Variants in PSMA1 observed in about 807,000 individuals in gnomAD.
PSMA1 encodes proteasome 20S subunit alpha 1.
A neutral mutation model predicts 38.4 loss-of-function variants in PSMA1; 3 were observed. The ratio of observed to expected loss-of-function variants is 0.08; its 90% CI spans 0.04 to 0.20. PSMA1 has a LOEUF of 0.20. PSMA1 is among the 10% of genes least tolerant of loss of function. The probability of loss-of-function intolerance (pLI) is 1.00; values close to 1 mark genes in which losing one functional copy is unlikely to be tolerated. For missense variants in PSMA1, 227 were observed against 325.3 expected (o/e 0.70, Z 2.32); for synonymous variants, 101 against 107.1 (o/e 0.94, Z 0.35).
chr11:14,520,543 C>T, upstream of PSMA1: 2 of 1,363,100 alleles, frequency 1.5e-6, no homozygotes, highest in South Asian at 3.1e-5. Flanking sequence ...GCGGGAAAAC[C>T]TGGCTGGGAG....
chr11:14,628,134 T>C (rs1258563432), intron 1 of PSMA1, among the ~76,000 whole-genome samples: 2 of 152,216 alleles, frequency 1.3e-5, no homozygotes, highest in Non-Finnish European at 2.9e-5. Flanking sequence ...GCATGCTCCA[T>C]CTAATGCCTG....
chr11:14,631,670 T>G (rs965166344), intron 1 of PSMA1, among the ~76,000 whole-genome samples: 1 of 152,218 alleles, frequency 6.6e-6, no homozygotes, highest in Non-Finnish European at 1.5e-5. Flanking sequence ...CTTCTGTAGA[T>G]GTCTATTAGG....
At chr11:14,627,805 T>C (rs1002905147) in intron 1 of PSMA1, among the ~76,000 whole-genome samples, 2 of 152,194 alleles carry the variant, frequency 1.3e-5, no homozygotes, top group South Asian at 4.1e-4. Context: ...TTTTTATGCC[T>C]TTTTTCTTCC....
At chr11:14,573,932 T>A (rs557348520) in intron 2 of PSMA1, among the ~76,000 whole-genome samples, 2 of 152,254 alleles carry the variant, frequency 1.3e-5, no homozygotes, top group South Asian at 4.2e-4. Context: ...AGATATATGA[T>A]TTAGAGTATC....
intron 2 of PSMA1, among the ~76,000 whole-genome samples, chr11:14,604,073 C>T (rs1265501921): frequency 9.2e-5 from 14 of 152,156 alleles, no homozygotes; most frequent in Admixed American, 9.2e-4. Flanking sequence ...TACTAAATGT[C>T]CTTTCCAGTA....
At chr11:14,585,197 T>C (rs1401420266) in intron 2 of PSMA1, among the ~76,000 whole-genome samples, 1 of 152,218 alleles carries the variant, frequency 6.6e-6, no homozygotes, top group Non-Finnish European at 1.5e-5. Context: ...CCTAGCTTTC[T>C]CTTGTTCCTT....
chr11:14,536,262 C>T (rs1346901639), intron 2 of PSMA1, among the ~76,000 whole-genome samples: 2 of 152,208 alleles, frequency 1.3e-5, no homozygotes, highest in Non-Finnish European at 2.9e-5. Flanking sequence ...CGAGGTGGCT[C>T]ACGCCTGTAA....
intron 1 of PSMA1, among the ~76,000 whole-genome samples, chr11:14,634,355 A>G (rs193195515): frequency 2.0e-5 from 3 of 152,320 alleles, no homozygotes; most frequent in Non-Finnish European, 4.4e-5. Flanking sequence ...TTGTACACAT[A>G]CACGCAACAC....
intron 2 of PSMA1, among the ~76,000 whole-genome samples, chr11:14,584,491 G>GTT (rs1442575192): frequency 4.7e-4 from 63 of 134,078 alleles, no homozygotes; most frequent in African/African-American, 1.7e-3. Context: ...GGTTTGGAGT[G>GTT]TTTTTTTTGT....
chr11:14,592,354 G>GCCTC (rs1554971748), intron 2 of PSMA1, among the ~76,000 whole-genome samples: 1 of 135,912 alleles, frequency 7.4e-6, no homozygotes. Flanking sequence ...CTCTGACACA[G>GCCTC]TCTCTCTCTC....
chr11:14,589,365 A>ATG (rs10641474), intron 2 of PSMA1, among the ~76,000 whole-genome samples: 44,325 of 147,508 alleles, frequency 0.3, 7,274 homozygotes, highest in South Asian at 0.46. Context: ...ATATATATAT[A>ATG]TGTGTGTGTG....
At chr11:14,639,502 T>C (rs1002762345) in intron 1 of PSMA1, among the ~76,000 whole-genome samples, 7 of 152,242 alleles carry the variant, frequency 4.6e-5, no homozygotes, top group African/African-American at 1.7e-4. Flanking sequence ...GTACTTGCTA[T>C]AGGCATGAAG....
chr11:14,595,105 A>C (rs1282346999), intron 2 of PSMA1, among the ~76,000 whole-genome samples: 1 of 152,178 alleles, frequency 6.6e-6, no homozygotes, highest in East Asian at 1.9e-4. Context: ...TTATGGCTGC[A>C]TAGTATTCCA....
chr11:14,595,586 T>C (rs1053953995), intron 2 of PSMA1, among the ~76,000 whole-genome samples: 1 of 151,940 alleles, frequency 6.6e-6, no homozygotes, highest in African/African-American at 2.4e-5. Context: ...CTTTACCCAC[T>C]TTTTGATGTT....
intron 2 of PSMA1, among the ~76,000 whole-genome samples, chr11:14,528,923 T>G (rs1166094335): frequency 3.3e-5 from 5 of 152,098 alleles, no homozygotes; most frequent in Admixed American, 2.0e-4. Context: ...CCAAAATCTT[T>G]AAGAACTAAT....
intron 9 of PSMA1, among the ~76,000 whole-genome samples, chr11:14,506,977 G>A (rs1193465654): frequency 6.6e-6 from 1 of 152,186 alleles, no homozygotes; most frequent in East Asian, 1.9e-4. Flanking sequence ...TATCTTGGGT[G>A]TTCCAGTTGC....
At chr11:14,602,467 T>C (rs551974635) in intron 2 of PSMA1, among the ~76,000 whole-genome samples, 2 of 151,704 alleles carry the variant, frequency 1.3e-5, no homozygotes, top group East Asian at 1.9e-4. Context: ...TCCAGAGGTA[T>C]GAAAAAAAAA....
chr11:14,530,949 G>A (rs1355622348), intron 2 of PSMA1, among the ~76,000 whole-genome samples: 10 of 147,436 alleles, frequency 6.8e-5, no homozygotes, highest in African/African-American at 2.3e-4. Flanking sequence ...TTCTCTAGTA[G>A]TAGTAGCAAT....
intron 2 of PSMA1, among the ~76,000 whole-genome samples, chr11:14,575,805 T>C (rs1006225947): frequency 3.9e-5 from 6 of 152,230 alleles, no homozygotes; most frequent in Non-Finnish European, 8.8e-5. Context: ...AAATGGTATT[T>C]CTAGTTCTAG....
Sources: gnomAD v4.1 joint callset for allele counts (sites outside exome capture counted in the v4.1 genomes callset) on GRCh38, gnomAD v4.1.1 for gene constraint, MANE v1.5 for transcripts, NCBI Gene and HGNC (gene_info 2026-07-23, HGNC 2026-07-21) for gene names.